TTI2: variants seen among roughly 807,000 people sequenced by gnomAD.
TTI2 encodes the protein TELO2-interacting protein 2.
In TTI2, 26 loss-of-function variants were observed where a neutral mutation model predicts 44.9. The observed-to-expected ratio is 0.58, with a 90% CI of 0.42 to 0.80. The LOEUF (loss-of-function observed/expected upper bound fraction) is 0.80, where lower values mean the gene tolerates loss of function less well. Ranked by LOEUF, TTI2 falls within the 30% of genes least tolerant of loss-of-function variation. The pLI is 0.00. For missense variants in TTI2, 582 were observed against 611.6 expected (o/e 0.95, Z 0.51); for synonymous variants, 254 against 250.9 (o/e 1.01, Z -0.12).
At chr8:33,511,639 G>A (rs554005935) in intron 2 of TTI2, among the ~76,000 whole-genome samples, 1 of 152,074 alleles carries the variant, frequency 6.6e-6, no homozygotes, top group Non-Finnish European at 1.5e-5. Context: ...TGTAATCCCA[G>A]CATTTTGGGA....
chr8:33,509,955 A>C (rs747368990), intron 2 of TTI2, 23 bp from the exon 3 acceptor site: 5 of 1,355,306 alleles, frequency 3.7e-6, no homozygotes, highest in Non-Finnish European at 4.2e-6. Flanking sequence ...ATAGAATTAC[A>C]TTAAGTGACA....
intron 6 of TTI2, 44 bp downstream of exon 6, chr8:33,503,385 C>G: frequency 3.1e-6 from 5 of 1,613,738 alleles, no homozygotes; most frequent in Non-Finnish European, 4.2e-6. Flanking sequence ...AGCAAGTTCT[C>G]AAGAGAAAAT....
At chr8:33,504,383 G>A (rs977855814) in intron 4 of TTI2, among the ~76,000 whole-genome samples, 32 of 130,350 alleles carry the variant, frequency 2.5e-4, no homozygotes, top group African/African-American at 5.3e-4. Context: ...TGCAACCTCC[G>A]CTTCTCAGGC....
At chr8:33,510,393 T>C (rs1809485121) in intron 2 of TTI2, among the ~76,000 whole-genome samples, 2 of 152,242 alleles carry the variant, frequency 1.3e-5, no homozygotes. Flanking sequence ...TATATTTATT[T>C]TGAAATAGAG....
chr8:33,508,408 C>T (rs1563354420), intron 3 of TTI2, among the ~76,000 whole-genome samples: 1 of 151,782 alleles, frequency 6.6e-6, no homozygotes, highest in Admixed American at 6.6e-5. Context: ...TTAAGACCAG[C>T]CTGGCCAACA....
Position 33,507,283 on chromosome 8 carries a change from G to T in TTI2, c.873C>A (p.Val291=). 6.2e-7 allele frequency: 1 copy of T among 1,614,142 alleles called. No homozygotes were observed. Residue 291 remains valine (V), a synonymous_variant, in exon 4 of 8, where the codon GTC becomes GTA. Coordinates refer to ENST00000431156, the MANE Select transcript of TTI2 (RefSeq NM_001102401.4). ...ADLLQYNRAQ[V]LYHAISNHLY... The stretch of plus-strand genomic sequence containing the variant: ...GGTGGTTGGAAATGGCATGGTATAG[G>T]ACCTGGGCTCTGTTATACTGGAGCA...
At chr8:33,508,087 T>TAAAAGAAAA (rs1809368645) in intron 3 of TTI2, among the ~76,000 whole-genome samples, 1 of 19,494 alleles carries the variant, frequency 5.1e-5, no homozygotes, top group Non-Finnish European at 8.8e-5. Flanking sequence ...CTAGCGGTAG[T>TAAAAGAAAA]AAAAAAAAAA....
Position 33,499,013 on chromosome 8 carries a change from C to A in TTI2, c.*160G>T. On this transcript the variant is annotated 3_prime_UTR_variant, in exon 8 of 8. Coordinates refer to ENST00000431156, the MANE Select transcript of TTI2 (RefSeq NM_001102401.4). The stretch of plus-strand genomic sequence containing the variant: ...AGGAGTTCAATTTTTTCTTGTTCTA[C>A]TTTCCCTATTCTTATGGAGGTAAAA... 1 of 650,786 alleles carries A rather than the reference C, an allele frequency of 1.5e-6. No individual in the cohort carries two copies. The highest frequency in any genetic ancestry group is 1.9e-5 in the South Asian group (1 of 53,608). 40.3% of individuals were successfully genotyped at this position (650,786 alleles called of 1,614,324 possible).
chr8:33,503,565 T>A lies in TTI2; in HGVS notation c.1123A>T (p.Ile375Phe). 6.2e-7 allele frequency: 1 copy of A among 1,613,918 alleles called. No individual in the cohort carries two copies. Among genetic ancestry groups the A allele is most frequent in the Non-Finnish European group, 8.5e-7 (1 of 1,180,028 alleles). Residue 375 changes from isoleucine (I) to phenylalanine (F), a missense_variant, in exon 6 of 8, where the codon ATC becomes TTC. By Grantham distance (21) the Ile-to-Phe change is conservative. Transcript: ENST00000431156. The stretch of plus-strand genomic sequence containing the variant: ...CTCTTTAAGTGCCGGACAGTTAGGA[T>A]CCCCAACCTAAAGATGAAAGAGAAA... ...NLPAFVNRLG[I>F]LTVRHLKRLE...
intron 1 of TTI2, 85 bp from the exon 2 acceptor site, chr8:33,512,797 C>T: frequency 1.5e-6 from 1 of 650,096 alleles, no homozygotes; most frequent in East Asian, 3.0e-5. Context: ...AAAGGGTGAA[C>T]CCGGGAGGCG....
chr8:33,500,047 CTT>C (rs1333912226), intron 7 of TTI2: 1 of 253,702 alleles, frequency 3.9e-6, no homozygotes, highest in Non-Finnish European at 7.6e-6. Flanking sequence ...ATTTTACAAA[CTT>C]TTGATCATAA....
At chr8:33,500,232 A>G in intron 7 of TTI2, 96 bp downstream of exon 7, 1 of 1,438,312 alleles carries the variant, frequency 7.0e-7, no homozygotes, top group Non-Finnish European at 9.7e-7. Context: ...TCATTTCCAG[A>G]CTTGGTCAGG....
rs1302835329 is a variant in TTI2 at position 33,507,454 on chromosome 8, G to A, written c.835-133C>T. The A allele has an allele frequency of 1.5e-5, 12 of 776,568 alleles. No individual in the cohort carries two copies. In the East Asian group the frequency reaches 3.0e-4, roughly 19 times the overall value. The allele number at this position is 776,568 out of a possible 1,614,324, so 48.1% of individuals were successfully genotyped here. A position where few individuals can be genotyped will look rare whatever the true frequency, so the allele number is the denominator to read the frequency against. ...CCCAAAATATGCATGATTGTTTCGA[G>A]TTGAAAATATTGCAGAAACTGTAGA... On this transcript the variant is annotated intron_variant, in intron 3 of 7. Coordinates refer to ENST00000431156, the MANE Select transcript of TTI2 (RefSeq NM_001102401.4).
In TTI2 at chr8:33,509,925, A is replaced by G; in HGVS notation, c.655T>C (p.Trp219Arg). 6.4e-7 allele frequency: 1 copy of G among 1,560,288 alleles called. No homozygotes were observed. Among genetic ancestry groups the G allele is most frequent in the Non-Finnish European group, 8.7e-7 (1 of 1,148,104 alleles). The change falls in exon 3 of 8, where the codon TGG (tryptophan) becomes CGG (arginine). Residue 219 changes from tryptophan to arginine, a missense_variant. Trp to Arg is a moderately radical substitution (Grantham distance 101). Coordinates refer to ENST00000431156, the MANE Select transcript of TTI2 (RefSeq NM_001102401.4). The part of the protein sequence containing the change: ...LLKPDLYKES[W>R]KNNPAIKHVF... ...TGTTTGATGGCAGGGTTATTCTTCC[A>G]GGATTCCCTAAGTGAATACATAGAA...
intron 6 of TTI2, among the ~76,000 whole-genome samples, chr8:33,501,518 C>G (rs1809078855): frequency 6.6e-6 from 1 of 152,202 alleles, no homozygotes. Flanking sequence ...TCCATTGATT[C>G]ATTCTCTTCC....
intron 4 of TTI2, among the ~76,000 whole-genome samples, chr8:33,506,782 A>G (rs1809313622): frequency 6.7e-6 from 1 of 149,922 alleles, no homozygotes; most frequent in Admixed American, 6.7e-5. Flanking sequence ...AACCTCCGCC[A>G]CCCGGGTTCA....
intron 2 of TTI2, among the ~76,000 whole-genome samples, chr8:33,510,575 C>G (rs1443906730): frequency 2.0e-5 from 3 of 152,146 alleles, no homozygotes; most frequent in Non-Finnish European, 1.5e-5. Flanking sequence ...CGGGGTTTCA[C>G]CATGTTGCCC....
intron 2 of TTI2, among the ~76,000 whole-genome samples, chr8:33,511,324 T>C (rs1187077209): frequency 1.3e-5 from 2 of 151,924 alleles, no homozygotes; most frequent in Admixed American, 1.3e-4. Context: ...ACTACAGGAG[T>C]GAGCCACCTC....
chr8:33,511,394 C>T (rs1809522307), intron 2 of TTI2, among the ~76,000 whole-genome samples: 1 of 152,146 alleles, frequency 6.6e-6, no homozygotes, highest in Middle Eastern at 3.4e-3. Context: ...TCCAATTTTC[C>T]TAGGCAGTCG....
Sources: gnomAD v4.1 joint callset for allele counts (sites outside exome capture counted in the v4.1 genomes callset) on GRCh38, gnomAD v4.1.1 for gene constraint, MANE v1.5 for transcripts, NCBI Gene and HGNC (gene_info 2026-07-23, HGNC 2026-07-21) for gene names.